DNAJC9: variants seen among roughly 807,000 people sequenced by gnomAD.
The protein encoded by DNAJC9 is dnaJ homolog subfamily C member 9.
In DNAJC9, 18 loss-of-function variants were observed where a neutral mutation model predicts 32.4. The ratio of observed to expected loss-of-function variants is 0.56; its 90% CI spans 0.38 to 0.82. DNAJC9 has a LOEUF of 0.82. DNAJC9 is among the 40% of genes least tolerant of loss of function. DNAJC9 has a pLI of 0.00. For missense variants in DNAJC9, 310 were observed against 321.8 expected (o/e 0.96, Z 0.28); for synonymous variants, 113 against 122.1 (o/e 0.93, Z 0.49).
Position 73,242,014 on chromosome 10 carries a change from C to CTAAATACAAATTAATA in DNAJC9, c.*1385_*1386insTATTAATTTGTATTTA, listed in dbSNP as rs2043959976. 1 of 152,092 alleles carries CTAAATACAAATTAATA rather than the reference C, an allele frequency of 6.6e-6. No homozygotes were observed. Among genetic ancestry groups the CTAAATACAAATTAATA allele is most frequent in the Non-Finnish European group, 1.5e-5 (1 of 68,022 alleles). The allele number at this position is 152,092 out of a possible 1,614,324, so 9.4% of individuals were successfully genotyped here. On this transcript the variant is annotated 3_prime_UTR_variant, in exon 5 of 5. Coordinates refer to ENST00000372950, the MANE Select transcript of DNAJC9 (RefSeq NM_015190.5). ...TAAATACAAATCTTGATTGTCATGC[C>CTAAATACAAATTAATA]AGTTTTAGATCTTATTAATTTTCAG...
intron 4 of DNAJC9, 56 bp from the exon 5 acceptor site, chr10:73,243,575 C>A: frequency 6.2e-7 from 1 of 1,600,294 alleles, no homozygotes; most frequent in Middle Eastern, 1.7e-4. Context: ...ACAGAAAGTA[C>A]CTAGTGGTTG....
chr10:73,233,000 T>G lies in DNAJC9; in HGVS notation n.147+10843A>C, dbSNP rs202136724. The G allele has an allele frequency of 2.5e-4, 382 of 1,552,050 alleles. 1 individual carries two copies. In the Middle Eastern group the frequency reaches 4.7e-3, roughly 19 times the overall value. Reference sequence around the variant, plus strand: ...CAGTACCATCCTTTCAACTCGAAATTGGCCAAATCGAGCTGTGGAGTTTAG... The same window carrying G: ...CAGTACCATCCTTTCAACTCGAAATGGGCCAAATCGAGCTGTGGAGTTTAG... On this transcript the variant is annotated intron_variant and non_coding_transcript_variant, in intron 2 of 2. Transcript: ENST00000469143.
At chr10:73,232,965 G>A (rs2043741343) in intron 2 of DNAJC9, 1 of 1,551,226 alleles carries the variant, frequency 6.4e-7, no homozygotes, top group Non-Finnish European at 8.7e-7. Flanking sequence ...CTACTTATGA[G>A]GCCTGGGTCC....
downstream of DNAJC9, among the ~76,000 whole-genome samples, chr10:73,240,503 C>G (rs1450222576): frequency 2.2e-4 from 34 of 152,140 alleles, no homozygotes; most frequent in Middle Eastern, 3.4e-3. Flanking sequence ...ACGAGGTCAG[C>G]ATATTGAGAC....
intron 3 of DNAJC9, 91 bp downstream of exon 3, chr10:73,245,831 G>A: frequency 2.0e-6 from 3 of 1,494,180 alleles, no homozygotes; most frequent in South Asian, 1.3e-5. Flanking sequence ...CCTTATTTCT[G>A]GAGTTTTATG....
At chr10:73,234,501 G>C (rs1423218409), downstream of DNAJC9, 6 of 277,012 alleles carry the variant, frequency 2.2e-5, no homozygotes, top group Admixed American at 4.9e-5. Flanking sequence ...TCATCAGCTG[G>C]GAATTTACAA....
chr10:73,234,810 T>C (rs984906713), downstream of DNAJC9: 13 of 1,551,226 alleles, frequency 8.4e-6, no homozygotes, highest in Non-Finnish European at 1.1e-5. Context: ...GTTGGTGGGA[T>C]CTGCAGCCCA....
chr10:73,235,011 T>C, downstream of DNAJC9: 2 of 1,516,798 alleles, frequency 1.3e-6, no homozygotes, highest in South Asian at 2.5e-5. Context: ...CTGCAGGATC[T>C]GTGCCCTGAT....
At chr10:73,239,451 T>C, downstream of DNAJC9, 1 of 1,163,110 alleles carries the variant, frequency 8.6e-7, no homozygotes, top group Non-Finnish European at 1.2e-6. Context: ...CTTTGTCTTT[T>C]TTCCTACACC....
At chr10:73,243,648 TG>T in intron 4 of DNAJC9, 129 bp from the exon 5 acceptor site, 1 of 1,273,352 alleles carries the variant, frequency 7.9e-7, no homozygotes, top group South Asian at 1.4e-5. Flanking sequence ...ATGGTGAAAA[TG>T]TCCTACAATT....
At chr10:73,238,684 A>G (rs1282189812), downstream of DNAJC9, 1 of 152,234 alleles carries the variant, frequency 6.6e-6, no homozygotes, top group Admixed American at 6.5e-5. Context: ...GCTTCACCAG[A>G]AAAAGCTTCC....
chr10:73,244,238 G>C, intron 3 of DNAJC9: 2 of 304,906 alleles, frequency 6.6e-6, no homozygotes, highest in Non-Finnish European at 1.2e-5. Flanking sequence ...GCTCACAACT[G>C]TAATCCCCAT....
chr10:73,234,722 C>A, downstream of DNAJC9: 1 of 1,349,126 alleles, frequency 7.4e-7, no homozygotes, highest in Non-Finnish European at 1.0e-6. Context: ...GCACATTAAA[C>A]TCATCTGCTT....
chr10:73,239,140 T>C (rs2043888667), downstream of DNAJC9: 2 of 550,222 alleles, frequency 3.6e-6, no homozygotes, highest in Non-Finnish European at 6.5e-6. Flanking sequence ...GGCATCTGGC[T>C]TGGGATTTTC....
In DNAJC9 at chr10:73,245,841, G is replaced by GTTTA. The variant is rs573628459; in HGVS notation, c.576+77_576+80dup. ...CTAGTCCTTATTTCTGGAGTTTTAT[G>GTTTA]TTTACTTCTACTGCTGTAAATACTC... On this transcript the variant is annotated intron_variant, in intron 3 of 4. Transcript: ENST00000372950. 3.1e-3 allele frequency: 4,753 copies of GTTTA among 1,535,556 alleles called. 19 individuals carry two copies. The highest frequency in any genetic ancestry group is 4.1e-3 in the Middle Eastern group (24 of 5,844).
downstream of DNAJC9, chr10:73,234,543 T>G (rs745309482): frequency 1.1e-5 from 4 of 372,098 alleles, no homozygotes; most frequent in Non-Finnish European, 9.9e-6. Flanking sequence ...CAATACCAGA[T>G]AGGGACAAAT....
At chr10:73,236,797 C>A (rs946794558), downstream of DNAJC9, among the ~76,000 whole-genome samples, 2 of 151,552 alleles carry the variant, frequency 1.3e-5, no homozygotes, top group African/African-American at 4.9e-5. Context: ...CTCACTGCAG[C>A]CTCAACCTCC....
intron 2 of DNAJC9, 64 bp downstream of exon 2, chr10:73,246,624 G>A: frequency 6.4e-7 from 1 of 1,551,034 alleles, no homozygotes; most frequent in Non-Finnish European, 8.9e-7. Flanking sequence ...CTTAGAGGCA[G>A]TCAATAAAGG....
downstream of DNAJC9, chr10:73,235,562 C>A: frequency 1.3e-6 from 1 of 765,148 alleles, no homozygotes; most frequent in Non-Finnish European, 1.9e-6. Flanking sequence ...TAAGATATGT[C>A]TGACCACAAG....
Sources: allele counts gnomAD v4.1 joint callset (sites outside exome capture counted in the v4.1 genomes callset), GRCh38; gene constraint gnomAD v4.1.1; transcripts MANE v1.5; gene names NCBI Gene and HGNC (gene_info 2026-07-23, HGNC 2026-07-21).